SPIDR: variants seen among roughly 807,000 people sequenced by gnomAD.
The protein encoded by SPIDR is scaffold protein involved in DNA repair.
Under a neutral mutation model 104.6 loss-of-function variants are expected in SPIDR, and 93 were observed. The ratio of observed to expected loss-of-function variants is 0.89; its 90% CI spans 0.75 to 1.06. The LOEUF is 1.06. Among genes scored for constraint, SPIDR ranks in the 50% least tolerant of loss-of-function variants. The pLI is 0.00. For synonymous variants in SPIDR, 431 were observed against 416.9 expected (o/e 1.03, Z -0.41); for missense variants, 1,154 against 1,111.2 (o/e 1.04, Z -0.55).
At chr8:47,617,947 C>G (rs2064565338) in intron 10 of SPIDR, among the ~76,000 whole-genome samples, 1 of 152,294 alleles carries the variant, frequency 6.6e-6, no homozygotes, top group African/African-American at 2.4e-5. Flanking sequence ...AAGCCCCAGT[C>G]TTCAGGGCAG....
intron 8 of SPIDR, chr8:47,592,503 G>A (rs760390230): frequency 1.4e-6 from 2 of 1,415,422 alleles, no homozygotes; most frequent in Admixed American, 3.4e-5. Context: ...ATGACCACAT[G>A]AAAATAACAG....
intron 7 of SPIDR, among the ~76,000 whole-genome samples, chr8:47,424,529 G>A (rs912768907): frequency 3.9e-5 from 6 of 151,996 alleles, no homozygotes; most frequent in Non-Finnish European, 1.5e-5. Flanking sequence ...TGTTTTCCAG[G>A]CTGGTCTCGA....
rs188586204 is a variant in SPIDR at position 47,688,780 on chromosome 8, T to C, written c.1686-11623T>C. ...TGTCTTCCAGGAGCGGAGTTCAGCC[T>C]CCATTTCTGTTAGCATAGTAGAGTT... On this transcript the variant is annotated intron_variant, in intron 11 of 19. Coordinates refer to ENST00000297423, the MANE Select transcript of SPIDR (RefSeq NM_001080394.4). 1.7e-3 allele frequency among the ~76,000 whole-genome samples: 256 copies of C among 152,354 alleles called. 2 individuals are homozygous for C. Among genetic ancestry groups the C allele is most frequent in the Non-Finnish European group, 8.2e-4 (56 of 68,020 alleles).
At chr8:47,522,783 T>A (rs2084368499) in intron 8 of SPIDR, among the ~76,000 whole-genome samples, 1 of 152,198 alleles carries the variant, frequency 6.6e-6, no homozygotes, top group Admixed American at 6.5e-5. Flanking sequence ...TACTGAAGAT[T>A]CTTGGTTTTG....
At chr8:47,538,253 A>G (rs1001638448) in intron 8 of SPIDR, among the ~76,000 whole-genome samples, 54 of 152,176 alleles carry the variant, frequency 3.5e-4, no homozygotes, top group Middle Eastern at 3.4e-3. Context: ...ATACTATGAA[A>G]ATAAATTAAG....
At chr8:47,686,622 G>T (rs2077863529) in intron 11 of SPIDR, among the ~76,000 whole-genome samples, 1 of 152,094 alleles carries the variant, frequency 6.6e-6, no homozygotes, top group Admixed American at 6.5e-5. Flanking sequence ...CTGTATGTGA[G>T]CTGGGTCTTA....
At chr8:47,441,153 G>A (rs1554696742) in intron 8 of SPIDR, among the ~76,000 whole-genome samples, 7 of 152,052 alleles carry the variant, frequency 4.6e-5, no homozygotes. Context: ...TTTTCATTTT[G>A]TATGTATGAG....
At chr8:47,451,143 G>C (rs943305460) in intron 8 of SPIDR, among the ~76,000 whole-genome samples, 1 of 152,132 alleles carries the variant, frequency 6.6e-6, no homozygotes, top group African/African-American at 2.4e-5. Flanking sequence ...TGTTCAAGGA[G>C]TTAAAGGGAA....
intron 8 of SPIDR, among the ~76,000 whole-genome samples, chr8:47,457,755 T>C (rs782343044): frequency 6.6e-6 from 1 of 152,192 alleles, no homozygotes; most frequent in Admixed American, 6.5e-5. Context: ...CCATCTTGAG[T>C]TGATTTTTGT....
chr8:47,599,023 C>T lies in SPIDR; in HGVS notation c.1371C>T (p.Thr457=). 1.2e-6 allele frequency: 2 copies of T among 1,613,278 alleles called. No individual in the cohort carries two copies. The highest frequency in any genetic ancestry group is 1.7e-6 in the Non-Finnish European group (2 of 1,179,576). ...GHKEAKQRIP[T]STPLRDSLLD... is the part of the protein sequence containing the mutation. ...AAGAAGCAAAACAGCGCATCCCAAC[C>T]AGCACTCCCCTGAGGGATTCTCTCC... Residue 457 remains threonine, a synonymous_variant, in exon 10 of 20, where the codon ACC becomes ACT. Transcript: ENST00000297423.
Position 47,440,545 on chromosome 8 carries a change from G to A in SPIDR, c.1097+3G>A, listed in dbSNP as rs539889561. 6.2e-6 allele frequency: 10 copies of A among 1,611,480 alleles called. No homozygotes were observed. In the South Asian group the frequency reaches 9.9e-5, roughly 16 times the overall value. ...ACTGTCCGGATCTTCCCTCCCTGGT[G>A]AGTGCGCAGAACTTAATCCAGCAGT... On this transcript the variant is annotated splice_donor_region_variant and intron_variant, in intron 8 of 19. Coordinates refer to ENST00000297423, the MANE Select transcript of SPIDR (RefSeq NM_001080394.4).
chr8:47,374,229 C>CT (rs1330989443), intron 5 of SPIDR, among the ~76,000 whole-genome samples: 1 of 152,130 alleles, frequency 6.6e-6, no homozygotes, highest in Non-Finnish European at 1.5e-5. Flanking sequence ...TCCATTAAAA[C>CT]TTTTTTTGCT....
At chr8:47,366,195 G>A (rs1378726563) in intron 5 of SPIDR, among the ~76,000 whole-genome samples, 6 of 152,162 alleles carry the variant, frequency 3.9e-5, no homozygotes, top group Admixed American at 1.3e-4. Flanking sequence ...GAGAGCAGCT[G>A]AACAGAGGCT....
chr8:47,558,217 G>A (rs557541767), intron 8 of SPIDR, among the ~76,000 whole-genome samples: 1 of 152,122 alleles, frequency 6.6e-6, no homozygotes, highest in Non-Finnish European at 1.5e-5. Flanking sequence ...CACTGTTGAG[G>A]TGACAGCATC....
intron 5 of SPIDR, among the ~76,000 whole-genome samples, chr8:47,392,321 TA>T (rs2060694121): frequency 6.6e-6 from 1 of 152,166 alleles, no homozygotes; most frequent in African/African-American, 2.4e-5. Context: ...AAGGACCTTC[TA>T]GGCTACTACC....
chr8:47,537,993 G>A (rs1008146812), intron 8 of SPIDR, among the ~76,000 whole-genome samples: 2 of 151,880 alleles, frequency 1.3e-5, no homozygotes, highest in Non-Finnish European at 2.9e-5. Flanking sequence ...CCTGGAAAAC[G>A]GTGAAACCCC....
intron 10 of SPIDR, 132 bp downstream of exon 10, chr8:47,599,328 C>T: frequency 1.6e-6 from 2 of 1,257,336 alleles, no homozygotes; most frequent in Non-Finnish European, 2.1e-6. Context: ...TTTGTTTTTC[C>T]TTGCATCAAA....
intron 8 of SPIDR, among the ~76,000 whole-genome samples, chr8:47,570,608 AAG>A (rs2058397203): frequency 6.6e-6 from 1 of 152,228 alleles, no homozygotes; most frequent in African/African-American, 2.4e-5. Flanking sequence ...ACTATCAAGA[AAG>A]TGAAAAGTTA....
chr8:47,380,863 A>G (rs529361680), intron 5 of SPIDR, among the ~76,000 whole-genome samples: 1 of 152,176 alleles, frequency 6.6e-6, no homozygotes, highest in Admixed American at 6.5e-5. Flanking sequence ...TTTCACGGAT[A>G]AAGTTTCAGT....
Sources: allele counts gnomAD v4.1 joint callset (sites outside exome capture counted in the v4.1 genomes callset), GRCh38; gene constraint gnomAD v4.1.1; transcripts MANE v1.5; gene names NCBI Gene and HGNC (gene_info 2026-07-23, HGNC 2026-07-21).